Variants in ADCY5 observed in about 807,000 individuals in gnomAD.
The protein encoded by ADCY5 is adenylate cyclase type 5.
In ADCY5, 30 loss-of-function variants were observed where a neutral mutation model predicts 119.7. The observed-to-expected ratio is 0.25, with a 90% CI of 0.19 to 0.34. ADCY5 has a LOEUF of 0.34. ADCY5 is among the 10% of genes least tolerant of loss of function. The probability of loss-of-function intolerance (pLI) is 1.00; values close to 1 mark genes in which losing one functional copy is unlikely to be tolerated. For synonymous variants in ADCY5, 753 were observed against 762.2 expected (o/e 0.99, Z 0.20); for missense variants, 1,324 against 1,775.2 (o/e 0.75, Z 4.57).
chr3:123,409,106 A>G (rs1944981258), intron 1 of ADCY5, among the ~76,000 whole-genome samples: 1 of 152,236 alleles, frequency 6.6e-6, no homozygotes, highest in South Asian at 2.1e-4. Flanking sequence ...TATTTTCTAT[A>G]AAATTATCTA....
At chr3:123,348,955 G>A (rs921588336) in intron 2 of ADCY5, among the ~76,000 whole-genome samples, 2 of 151,926 alleles carry the variant, frequency 1.3e-5, no homozygotes, top group Admixed American at 6.6e-5. Context: ...TCTCTGCTTC[G>A]TCTCCCTCCA....
At chr3:123,354,270 G>A (rs1216000288) in intron 1 of ADCY5, among the ~76,000 whole-genome samples, 1 of 152,208 alleles carries the variant, frequency 6.6e-6, no homozygotes, top group Non-Finnish European at 1.5e-5. Flanking sequence ...ATGGCTGCTT[G>A]AGCCCACGGC....
chr3:123,414,538 A>C (rs1945139751), intron 1 of ADCY5, among the ~76,000 whole-genome samples: 1 of 152,076 alleles, frequency 6.6e-6, no homozygotes, highest in South Asian at 2.1e-4. Context: ...ACCACTTCTA[A>C]GCTAGGGCTT....
chr3:123,384,640 G>A (rs980650327), intron 1 of ADCY5, among the ~76,000 whole-genome samples: 1 of 152,066 alleles, frequency 6.6e-6, no homozygotes, highest in Admixed American at 6.5e-5. Context: ...ATTTCACTAC[G>A]CCCACAGATT....
intron 1 of ADCY5, among the ~76,000 whole-genome samples, chr3:123,403,547 A>T (rs1342096177): frequency 6.6e-6 from 1 of 152,140 alleles, no homozygotes; most frequent in East Asian, 1.9e-4. Flanking sequence ...GATGGCTAAG[A>T]GGAAAAACTC....
intron 1 of ADCY5, among the ~76,000 whole-genome samples, chr3:123,440,035 C>A (rs1262150883): frequency 6.6e-6 from 1 of 152,344 alleles, no homozygotes; most frequent in South Asian, 2.1e-4. Flanking sequence ...AGCCGAGCTG[C>A]GTCGCTTCCT....
At chr3:123,423,904 G>A (rs6438792) in intron 1 of ADCY5, among the ~76,000 whole-genome samples, 150,822 of 152,320 alleles carry the variant, frequency 0.99, 74,690 homozygotes, top group Middle Eastern at 1. Context: ...AGGGAGCACC[G>A]TTCCCATCTC....
chr3:123,314,850 C>G (rs1472785272), intron 11 of ADCY5, among the ~76,000 whole-genome samples: 1 of 150,162 alleles, frequency 6.7e-6, no homozygotes, highest in Non-Finnish European at 1.5e-5. Context: ...GGGTGGCTGT[C>G]TCTTTAGAAG....
chr3:123,417,707 CAGCCATGGAAT>C (rs1945217201), intron 1 of ADCY5, among the ~76,000 whole-genome samples: 1 of 152,168 alleles, frequency 6.6e-6, no homozygotes, highest in African/African-American at 2.4e-5. Flanking sequence ...GGGTCTAAAT[CAGCCATGGAAT>C]AGCCATGTGA....
At chr3:123,347,973 C>A in intron 2 of ADCY5, 70 bp from the exon 3 acceptor site, 6 of 1,588,080 alleles carry the variant, frequency 3.8e-6, no homozygotes, top group Non-Finnish European at 5.2e-6. Context: ...CTCCTCCACA[C>A]CTGTGCCCCT....
chr3:123,374,577 A>G (rs1480624612), intron 1 of ADCY5, among the ~76,000 whole-genome samples: 7 of 152,208 alleles, frequency 4.6e-5, no homozygotes, highest in African/African-American at 1.7e-4. Context: ...ACAGCTAGGA[A>G]GTAGTGGCAC....
At chr3:123,367,971 C>T (rs1037912709) in intron 1 of ADCY5, 1 of 1,530,978 alleles carries the variant, frequency 6.5e-7, no homozygotes, top group Non-Finnish European at 8.7e-7. Flanking sequence ...CCCTACCCAG[C>T]ACTACACAGG....
intron 16 of ADCY5, 56 bp from the exon 17 acceptor site, chr3:123,296,272 T>A (rs1939500565): frequency 6.3e-7 from 1 of 1,579,900 alleles, no homozygotes. Flanking sequence ...CAGCGGGCTC[T>A]GAGGACCCCA....
intron 1 of ADCY5, among the ~76,000 whole-genome samples, chr3:123,396,810 G>A (rs1323456559): frequency 7.9e-6 from 1 of 125,982 alleles, no homozygotes; most frequent in Non-Finnish European, 1.6e-5. Context: ...AGGCAGGCAG[G>A]CAGGCAGGCG....
chr3:123,303,043 T>C lies in ADCY5; in HGVS notation c.2724+12A>G. 1 of 1,613,070 alleles carries C rather than the reference T, an allele frequency of 6.2e-7. No homozygotes were observed. Among genetic ancestry groups the C allele is most frequent in the Non-Finnish European group, 8.5e-7 (1 of 1,179,816 alleles). On this transcript the variant is annotated intron_variant, in intron 14 of 20. Transcript: ENST00000462833. ...CTTCAGCACTCCCTTCCAGCCCCTG[T>C]GCACCCAGTACCTCGGGGAAGTTGC...
chr3:123,306,114 C>T (rs189159430), intron 12 of ADCY5, among the ~76,000 whole-genome samples: 146 of 152,326 alleles, frequency 9.6e-4, no homozygotes, highest in East Asian at 1.2e-3. Context: ...GACCCTCTGA[C>T]CAAACCCTCT....
chr3:123,365,563 G>A (rs1943406988), intron 1 of ADCY5, among the ~76,000 whole-genome samples: 1 of 152,204 alleles, frequency 6.6e-6, no homozygotes, highest in Non-Finnish European at 1.5e-5. Context: ...GGGAAGAAGA[G>A]AGCTTCGGTT....
chr3:123,375,848 C>T (rs1943810282), intron 1 of ADCY5, among the ~76,000 whole-genome samples: 3 of 152,140 alleles, frequency 2.0e-5, no homozygotes, highest in South Asian at 2.1e-4. Context: ...GTTCACCTGT[C>T]CATGTCAGTA....
chr3:123,345,017 C>G (rs771169374), intron 3 of ADCY5, among the ~76,000 whole-genome samples: 7 of 152,212 alleles, frequency 4.6e-5, no homozygotes, highest in Admixed American at 2.0e-4. Flanking sequence ...AGAAATACCC[C>G]CACTGTGGCA....
Sources: allele counts gnomAD v4.1 joint callset (sites outside exome capture counted in the v4.1 genomes callset), GRCh38; gene constraint gnomAD v4.1.1; transcripts MANE v1.5; gene names NCBI Gene and HGNC (gene_info 2026-07-23, HGNC 2026-07-21).